LHFPL6: variants seen among roughly 807,000 people sequenced by gnomAD.
LHFPL6 encodes LHFPL tetraspan subfamily member 6 protein.
Under a neutral mutation model 20.6 loss-of-function variants are expected in LHFPL6, and 9 were observed. That is an observed-to-expected ratio of 0.44 (90% CI 0.26 to 0.76). The LOEUF (loss-of-function observed/expected upper bound fraction) is 0.76. LHFPL6 is among the 30% of genes least tolerant of loss of function. LHFPL6 has a pLI of 0.20. For missense variants in LHFPL6, 218 were observed against 253.5 expected (o/e 0.86, Z 0.95); for synonymous variants, 105 against 98.7 (o/e 1.06, Z -0.38).
intron 2 of LHFPL6, among the ~76,000 whole-genome samples, chr13:39,468,523 C>A (rs1351850204): frequency 2.0e-5 from 3 of 152,074 alleles, no homozygotes; most frequent in Non-Finnish European, 4.4e-5. Flanking sequence ...GGCCAAGAGC[C>A]ATGAAATATC....
Position 39,343,950 on chromosome 13 carries a change from G to C in LHFPL6, c.589C>G (p.His197Asp), listed in dbSNP as rs768669302. 6.2e-6 allele frequency: 10 copies of C among 1,613,454 alleles called. No individual in the cohort carries two copies. The Admixed American group carries it at 1.0e-4, about 16-fold the overall frequency. The change falls in exon 4 of 4, where the codon CAC (histidine) becomes GAC (aspartate). Residue 197 changes from histidine (H) to aspartate (D), a missense_variant. Physicochemically the swap from His to Asp is moderately conservative, Grantham distance 81. Coordinates refer to ENST00000379589, the MANE Select transcript of LHFPL6 (RefSeq NM_005780.3). The part of the protein sequence containing the change: ...LACFSGKKQK[H>D]YPY ...GTAGCTCCATCTCAGTATGGGTAGT[G>C]CTTCTGTTTCTTGCCCGAAAAGCAA...
intron 2 of LHFPL6, among the ~76,000 whole-genome samples, chr13:39,548,461 G>A (rs1232609124): frequency 2.0e-5 from 3 of 152,024 alleles, no homozygotes; most frequent in Admixed American, 6.5e-5. Context: ...AACTCCCGAT[G>A]GTCAGCAGCT....
At chr13:39,551,526 T>A (rs1006085556) in intron 2 of LHFPL6, among the ~76,000 whole-genome samples, 3 of 152,170 alleles carry the variant, frequency 2.0e-5, no homozygotes, top group African/African-American at 7.2e-5. Flanking sequence ...AATCAGGTAG[T>A]ATGGTTTTCC....
At chr13:39,570,926 ATTCT>A (rs977979247) in intron 2 of LHFPL6, among the ~76,000 whole-genome samples, 3 of 152,236 alleles carry the variant, frequency 2.0e-5, no homozygotes, top group African/African-American at 7.2e-5. Context: ...CATGGATAAC[ATTCT>A]TTATCTCCCC....
Position 39,493,398 on chromosome 13 carries a change from A to C in LHFPL6, c.385+107434T>G, listed in dbSNP as rs989651110. Reference sequence around the variant, plus strand: ...AAAGCATTATTCGTAATACAGTAAGACTGCTAAAAGGCTTTAACATCAAAT... The same window carrying C: ...AAAGCATTATTCGTAATACAGTAAGCCTGCTAAAAGGCTTTAACATCAAAT... On this transcript the variant is annotated intron_variant, in intron 2 of 3. Coordinates refer to ENST00000379589, the MANE Select transcript of LHFPL6 (RefSeq NM_005780.3). Among the ~76,000 whole-genome samples, 8 of 152,152 alleles carry C rather than the reference A, an allele frequency of 5.3e-5. No homozygotes were observed. The South Asian group carries it at 1.5e-3, about 28-fold the overall frequency.
chr13:39,450,838 T>C (rs1233177151), intron 2 of LHFPL6, among the ~76,000 whole-genome samples: 1 of 152,150 alleles, frequency 6.6e-6, no homozygotes, highest in Non-Finnish European at 1.5e-5. Context: ...AGCTGAATTA[T>C]AAAATTAAAT....
intron 2 of LHFPL6, among the ~76,000 whole-genome samples, chr13:39,430,233 A>G (rs1469522997): frequency 1.3e-5 from 2 of 152,136 alleles, no homozygotes; most frequent in African/African-American, 2.4e-5. Context: ...CTTATTCCCC[A>G]TCTTCACCAA....
At chr13:39,463,588 G>T (rs567642906) in intron 2 of LHFPL6, among the ~76,000 whole-genome samples, 2 of 152,278 alleles carry the variant, frequency 1.3e-5, no homozygotes, top group South Asian at 4.1e-4. Context: ...CCAGGTAGGT[G>T]CCTCCGAAAG....
chr13:39,491,083 C>A (rs1868910313), intron 2 of LHFPL6, among the ~76,000 whole-genome samples: 1 of 152,098 alleles, frequency 6.6e-6, no homozygotes, highest in African/African-American at 2.4e-5. Context: ...TCTACCATGG[C>A]ACATATACAC....
chr13:39,567,549 G>A (rs1048175247), intron 2 of LHFPL6, among the ~76,000 whole-genome samples: 1 of 151,978 alleles, frequency 6.6e-6, no homozygotes, highest in Non-Finnish European at 1.5e-5. Context: ...GCCACATAAG[G>A]TTTTCTTCCT....
At chr13:39,514,571 A>C (rs1407625225) in intron 2 of LHFPL6, among the ~76,000 whole-genome samples, 5 of 152,172 alleles carry the variant, frequency 3.3e-5, no homozygotes, top group African/African-American at 1.2e-4. Flanking sequence ...ATGAACACAA[A>C]ATTCACTGAA....
In LHFPL6 at chr13:39,439,681, G is replaced by A. The variant is rs139169095; in HGVS notation, c.386-61155C>T. ...TCATGAATGGTTTAACACCATCCCC[G>A]TTGGTGCTGTTCTCATGATAGTGAG... On this transcript the variant is annotated intron_variant, in intron 2 of 3. Coordinates refer to ENST00000379589, the MANE Select transcript of LHFPL6 (RefSeq NM_005780.3). Among the ~76,000 whole-genome samples the A allele has an allele frequency of 1.8e-3, 271 of 152,222 alleles. 1 individual carries two copies. The highest frequency in any genetic ancestry group is 5.8e-3 in the African/African-American group (241 of 41,526).
chr13:39,358,396 CGAG>C (rs1158432082), intron 3 of LHFPL6, among the ~76,000 whole-genome samples: 4 of 152,138 alleles, frequency 2.6e-5, no homozygotes, highest in Admixed American at 2.6e-4. Context: ...AAAATTAACT[CGAG>C]AGATTAAAGA....
chr13:39,547,290 T>G (rs9548804), intron 2 of LHFPL6, among the ~76,000 whole-genome samples: 54,402 of 151,998 alleles, frequency 0.36, 10,723 homozygotes, highest in South Asian at 0.45. Flanking sequence ...TTGCCTCATC[T>G]CTGGTTGCCT....
At chr13:39,457,031 C>T (rs1872588770) in intron 2 of LHFPL6, among the ~76,000 whole-genome samples, 1 of 152,074 alleles carries the variant, frequency 6.6e-6, no homozygotes, top group East Asian at 1.9e-4. Flanking sequence ...AACTCTGGAC[C>T]TCAAGTGATC....
At chr13:39,400,562 T>A (rs960452946) in intron 2 of LHFPL6, among the ~76,000 whole-genome samples, 11 of 151,696 alleles carry the variant, frequency 7.3e-5, no homozygotes, top group African/African-American at 2.7e-4. Context: ...GGCGGGCGGA[T>A]CACGAGGTCA....
intron 2 of LHFPL6, among the ~76,000 whole-genome samples, chr13:39,568,398 C>A (rs1871797125): frequency 6.6e-6 from 1 of 151,966 alleles, no homozygotes; most frequent in Non-Finnish European, 1.5e-5. Context: ...TCATTTTATT[C>A]AGGACAATGA....
At chr13:39,473,592 T>C (rs1873004373) in intron 2 of LHFPL6, among the ~76,000 whole-genome samples, 2 of 152,066 alleles carry the variant, frequency 1.3e-5, no homozygotes, top group Non-Finnish European at 2.9e-5. Flanking sequence ...GATTATAAGG[T>C]TTTACATAAT....
At chr13:39,386,364 A>G (rs1156571143) in intron 2 of LHFPL6, among the ~76,000 whole-genome samples, 1 of 152,166 alleles carries the variant, frequency 6.6e-6, no homozygotes, top group African/African-American at 2.4e-5. Flanking sequence ...CTCAAGGAGT[A>G]CATTCTTTAG....
Sources: allele counts gnomAD v4.1 joint callset (sites outside exome capture counted in the v4.1 genomes callset), GRCh38; gene constraint gnomAD v4.1.1; transcripts MANE v1.5; gene names NCBI Gene and HGNC (gene_info 2026-07-23, HGNC 2026-07-21).